Variants in CDADC1 observed in about 807,000 individuals in gnomAD.
CDADC1 encodes the protein cytidine and dCMP deaminase domain containing 1.
In CDADC1, 39 loss-of-function variants were observed where a neutral mutation model predicts 54.9. The ratio of observed to expected loss-of-function variants is 0.71; its 90% confidence interval spans 0.55 to 0.93. CDADC1 has a LOEUF of 0.93. Among genes scored for constraint, CDADC1 ranks in the 40% least tolerant of loss-of-function variants. The pLI is 0.00. For missense variants in CDADC1, 518 were observed against 618.8 expected (o/e 0.84, Z 1.73); for synonymous variants, 186 against 204.0 (o/e 0.91, Z 0.75).
chr13:49,288,486 A>G (rs1451367331), intron 9 of CDADC1, among the ~76,000 whole-genome samples: 4 of 152,152 alleles, frequency 2.6e-5, no homozygotes, highest in African/African-American at 9.7e-5. Flanking sequence ...CCCTAGCCCT[A>G]GGCAACCACT....
chr13:49,268,363 A>G (rs999626778), intron 5 of CDADC1, among the ~76,000 whole-genome samples: 3 of 152,160 alleles, frequency 2.0e-5, no homozygotes, highest in Non-Finnish European at 4.4e-5. Flanking sequence ...AAGGTAGGAC[A>G]AGAAGAGAAA....
At chr13:49,268,163 A>C (rs1167917849) in intron 5 of CDADC1, 104 bp downstream of exon 5, 3 of 934,766 alleles carry the variant, frequency 3.2e-6, no homozygotes, top group Non-Finnish European at 4.8e-6. Flanking sequence ...TAGTTACTTA[A>C]GTTTTGCTGT....
chr13:49,265,956 G>T, intron 4 of CDADC1: 1 of 1,301,276 alleles, frequency 7.7e-7, no homozygotes, highest in South Asian at 1.2e-5. Flanking sequence ...ATGAGAACTC[G>T]AACAGAGGGA....
intron 9 of CDADC1, among the ~76,000 whole-genome samples, chr13:49,290,395 T>C (rs550001505): frequency 4.6e-5 from 7 of 151,974 alleles, no homozygotes; most frequent in Non-Finnish European, 1.0e-4. Flanking sequence ...TGTATTATTA[T>C]ATATTACATA....
At chr13:49,264,457 C>G (rs1952764020) in intron 4 of CDADC1, among the ~76,000 whole-genome samples, 1 of 151,164 alleles carries the variant, frequency 6.6e-6, no homozygotes, top group African/African-American at 2.4e-5. Context: ...CGCAGTGGCC[C>G]ACACCTGCAA....
rs1952868969 is a variant in CDADC1 at position 49,268,104 on chromosome 13, A to G, written c.1000+45A>G. The G allele has an allele frequency of 2.1e-6, 3 of 1,434,170 alleles. 1 individual carries two copies. The highest frequency in any genetic ancestry group is 2.4e-5 in the South Asian group (2 of 83,194). The allele number at this position is 1,434,170 out of a possible 1,614,324, so 88.8% of individuals were successfully genotyped here. On this transcript the variant is annotated intron_variant, in intron 5 of 9. Transcript: ENST00000251108. ...AATTGGGGCTGATTGGTTGGGTTGT[A>G]TTTGTCTCTGAAGTGTTCGTCTCAT...
chr13:49,277,746 A>G (rs1429031898), intron 6 of CDADC1, among the ~76,000 whole-genome samples: 1 of 152,158 alleles, frequency 6.6e-6, no homozygotes, highest in African/African-American at 2.4e-5. Flanking sequence ...AGAGCCATTG[A>G]AGTAAGAAGT....
Position 49,274,287 on chromosome 13 carries a change from T to C in CDADC1, c.1001-4T>C. ...TACTGAGTTAAATGCCATATATCTT[T>C]CAGAGGATCATAAAACAGGAGTTGG... On this transcript the variant is annotated splice_region_variant and splice_polypyrimidine_tract_variant and intron_variant, in intron 5 of 9. Transcript: ENST00000251108. 1.2e-6 allele frequency: 2 copies of C among 1,607,160 alleles called. No individual in the cohort carries two copies. The highest frequency in any genetic ancestry group is 1.7e-6 in the Non-Finnish European group (2 of 1,174,688).
intron 4 of CDADC1, among the ~76,000 whole-genome samples, chr13:49,259,755 G>A (rs113036722): frequency 6.6e-6 from 1 of 152,008 alleles, no homozygotes; most frequent in Non-Finnish European, 1.5e-5. Context: ...AATGAGGTGG[G>A]AGGATTGCTT....
At chr13:49,273,694 C>A (rs1459188725) in intron 5 of CDADC1, among the ~76,000 whole-genome samples, 1 of 152,066 alleles carries the variant, frequency 6.6e-6, no homozygotes, top group Non-Finnish European at 1.5e-5. Context: ...AAAGAAAGGA[C>A]AACATTTTGT....
chr13:49,291,468 G>A (rs1010740802), intron 9 of CDADC1, among the ~76,000 whole-genome samples: 4 of 152,006 alleles, frequency 2.6e-5, no homozygotes, highest in East Asian at 3.8e-4. Context: ...CATTGCACCC[G>A]GCCAATGTGA....
intron 8 of CDADC1, among the ~76,000 whole-genome samples, chr13:49,282,240 T>TTTTG (rs1327784308): frequency 1.4e-5 from 2 of 145,040 alleles, no homozygotes; most frequent in Admixed American, 1.4e-4. Flanking sequence ...TTGTGGGTTT[T>TTTTG]TTTTTTTTTT....
Position 49,292,214 on chromosome 13 carries a change from C to G in CDADC1, c.*457C>G. The G allele has an allele frequency of 1.0e-6, 1 of 986,642 alleles. No homozygotes were observed. Among genetic ancestry groups the G allele is most frequent in the Non-Finnish European group, 1.2e-6 (1 of 828,638 alleles). The allele number at this position is 986,642 out of a possible 1,614,324, so 61.1% of individuals were successfully genotyped here. A position where few individuals can be genotyped will look rare whatever the true frequency, so the allele number is the denominator to read the frequency against. ...CTTTTAAGAGTCAGTGTATAGCAAA[C>G]CAAAAGATCACATTTATACCCAAAG... is the stretch of plus-strand genomic sequence containing the variant. On this transcript the variant is annotated 3_prime_UTR_variant, in exon 10 of 10. Coordinates refer to ENST00000251108, the MANE Select transcript of CDADC1 (RefSeq NM_030911.4).
chr13:49,253,941 CA>C (rs890439235), intron 2 of CDADC1, among the ~76,000 whole-genome samples: 21 of 152,310 alleles, frequency 1.4e-4, no homozygotes, highest in African/African-American at 5.1e-4. Context: ...ATGGTTAAGA[CA>C]ATGGATCTTG....
chr13:49,279,217 A>T (rs1239633725), intron 7 of CDADC1, among the ~76,000 whole-genome samples: 2 of 152,180 alleles, frequency 1.3e-5, no homozygotes, highest in African/African-American at 4.8e-5. Context: ...AGAGCTTCTA[A>T]TGCAATAGGG....
chr13:49,255,886 G>A lies in CDADC1; in HGVS notation c.225G>A (p.Arg75=). The stretch of plus-strand genomic sequence containing the variant: ...GACCCTTAGGAGATAATGAAGAGAG[G>A]ACCAGAGTATCTACTGACAAAAGAC... ...KHGPLGDNEE[R]TRVSTDKRQV... is the part of the protein sequence containing the mutation. The change falls in exon 3 of 10, where the codon AGG becomes AGA. Residue 75 remains arginine, a synonymous_variant. Transcript: ENST00000251108. 1 of 1,611,572 alleles carries A rather than the reference G, an allele frequency of 6.2e-7. No individual in the cohort carries two copies. Among genetic ancestry groups the A allele is most frequent in the South Asian group, 1.1e-5 (1 of 90,318 alleles).
chr13:49,284,026 C>T lies in CDADC1; in HGVS notation c.1411-2196C>T, dbSNP rs1953432530. Among the ~76,000 whole-genome samples, 8 of 152,122 alleles carry T rather than the reference C, an allele frequency of 5.3e-5. No homozygotes were observed. The South Asian group carries it at 1.4e-3, about 28-fold the overall frequency. On this transcript the variant is annotated intron_variant, in intron 8 of 9. Coordinates refer to ENST00000251108, the MANE Select transcript of CDADC1 (RefSeq NM_030911.4). ...TTAAGATTAAAGCAAATTGAAATTACTTTGAAAGATTTTTTGCTTTCCTTT... is the reference window on the plus strand; with the variant it reads ...TTAAGATTAAAGCAAATTGAAATTATTTTGAAAGATTTTTTGCTTTCCTTT...
chr13:49,252,763 T>C (rs1053425896), intron 2 of CDADC1, among the ~76,000 whole-genome samples: 1 of 152,236 alleles, frequency 6.6e-6, no homozygotes, highest in African/African-American at 2.4e-5. Flanking sequence ...GTTGCAGTCA[T>C]AGCAGGAACA....
At chr13:49,265,868 T>C (rs1419487075) in intron 4 of CDADC1, 2 of 1,300,804 alleles carry the variant, frequency 1.5e-6, no homozygotes, top group Non-Finnish European at 2.0e-6. Flanking sequence ...ATTTTTCCCC[T>C]CTTGAATCAG....
Sources: allele counts gnomAD v4.1 joint callset (sites outside exome capture counted in the v4.1 genomes callset), GRCh38; gene constraint gnomAD v4.1.1; transcripts MANE v1.5; gene names NCBI Gene and HGNC (gene_info 2026-07-23, HGNC 2026-07-21).